The following SLC39A3 variants were observed in gnomAD, a reference collection of about 807,000 sequenced individuals.
SLC39A3 encodes zinc transporter ZIP3.
In SLC39A3, 3 loss-of-function variants were observed where a neutral mutation model predicts 5.1. The observed-to-expected ratio is 0.59, with a 90% CI of 0.27 to 1.54. The LOEUF (loss-of-function observed/expected upper bound fraction) is 1.54. Ranked by LOEUF, SLC39A3 falls within the 40% of genes most tolerant of loss-of-function variation. The pLI is 0.12. For synonymous variants in SLC39A3, 250 were observed against 218.8 expected, an observed-to-expected ratio of 1.14 and a Z score of -1.26; for missense variants, 412 against 436.4, an observed-to-expected ratio of 0.94 and a Z score of 0.50.
chr19:2,739,729 C>G (rs116078545), intron 1 of SLC39A3, among the ~76,000 whole-genome samples: 1 of 152,192 alleles, frequency 6.6e-6, no homozygotes, highest in African/African-American at 2.4e-5. Context: ...GTGAGGGTGG[C>G]CTGCACGCTC....
At position 2,732,693 on chromosome 19, in the gene SLC39A3, CTG is replaced by C; in HGVS notation, c.*56_*57del. On this transcript the variant is annotated 3_prime_UTR_variant, in exon 3 of 3. Coordinates refer to ENST00000269740, the MANE Select transcript of SLC39A3 (RefSeq NM_144564.5). ...GGGACGCGCGGCCGGGGGACGCGGC[CTG>C]TGTCCGGCCCGGGGCTCCCGGCGGG... 2 of 1,485,164 alleles carry C rather than the reference CTG, an allele frequency of 1.3e-6. No individual in the cohort carries two copies. The highest frequency in any genetic ancestry group is 1.4e-5 in the African/African-American group (1 of 70,374). 92.0% of individuals were successfully genotyped at this position (1,485,164 alleles called of 1,614,324 possible).
Position 2,735,188 on chromosome 19 carries a change from T to C in SLC39A3, c.211-1703A>G, listed in dbSNP as rs1030909215. The C allele has an allele frequency of 6.1e-6, 6 of 985,386 alleles. No individual in the cohort carries two copies. The South Asian group carries it at 1.9e-4, about 31-fold the overall frequency. 61.0% of individuals were successfully genotyped at this position (985,386 alleles called of 1,614,324 possible). On this transcript the variant is annotated intron_variant, in intron 2 of 2. Transcript: ENST00000269740. The surrounding 1 kb of genome is among the most constrained non-coding windows in gnomAD (Gnocchi z 5.7). ...GGGGGGCTGGCAGTGGCCTCTGCGA[T>C]GCAGGAGATGTCAGAGATGACCAAG...
At position 2,733,414 on chromosome 19, in the gene SLC39A3, G is replaced by A; in HGVS notation, c.282C>T (p.Gly94=). The A allele has an allele frequency of 6.2e-7, 1 of 1,613,062 alleles. No homozygotes were observed. Among genetic ancestry groups the A allele is most frequent in the Non-Finnish European group, 8.5e-7 (1 of 1,180,006 alleles). The stretch of plus-strand genomic sequence containing the variant: ...GCTCCAGGAAGACGGTCATGAAGAA[G>A]CCCAGCAGGAGGATGGTTTCGGCCA... ...YPLAETILLL[G]FFMTVFLEQL... is the part of the protein sequence containing the mutation. Residue 94 remains glycine, a synonymous_variant, in exon 3 of 3, where the codon GGC becomes GGT. Coordinates refer to ENST00000269740, the MANE Select transcript of SLC39A3 (RefSeq NM_144564.5). This position sits in a 1 kb window ranked among gnomAD's most constrained non-coding sequence, Gnocchi z 6.1.
intron 1 of SLC39A3, among the ~76,000 whole-genome samples, chr19:2,738,734 C>G (rs1227809875): frequency 6.6e-6 from 1 of 152,038 alleles, no homozygotes; most frequent in South Asian, 2.1e-4. Flanking sequence ...GTCGAGAGTT[C>G]AAGACCAGCC....
chr19:2,736,427 C>T (rs967382502), intron 2 of SLC39A3: 19 of 185,748 alleles, frequency 1.0e-4, no homozygotes, highest in East Asian at 1.7e-4. Flanking sequence ...GGGAGGTCCA[C>T]GTGGCCAGGC....
Position 2,733,014 on chromosome 19 carries a change from C to A in SLC39A3, c.682G>T (p.Asp228Tyr), listed in dbSNP as rs1914244241. ...ACGGTGACCGCCAGCTTGGCCGCGT[C>A]CCGCAGGGGCATGGCACTCCGGGCC... ...SMARSAMPLR[D>Y]AAKLAVTVSA... is the part of the protein sequence containing the mutation. Residue 228 changes from aspartate (D) to tyrosine (Y), a missense_variant, in exon 3 of 3, where the codon GAC (aspartate) becomes TAC (tyrosine). Asp to Tyr is a radical substitution (Grantham distance 160, BLOSUM62 -3). Coordinates refer to ENST00000269740, the MANE Select transcript of SLC39A3 (RefSeq NM_144564.5). This position sits in a 1 kb window ranked among gnomAD's most constrained non-coding sequence, Gnocchi z 6.1. 8.7e-6 allele frequency: 14 copies of A among 1,600,584 alleles called. 2 individuals carry two copies. In the South Asian group the frequency reaches 1.2e-4, roughly 14 times the overall value.
chr19:2,737,573 T>TA (rs1443699909), intron 1 of SLC39A3, 194 bp from the exon 2 acceptor site: 19 of 312,100 alleles, frequency 6.1e-5, no homozygotes, highest in Non-Finnish European at 1.1e-4. Flanking sequence ...TCCCAGCTAA[T>TA]TTTTTTTGTA....
Position 2,733,162 on chromosome 19 carries a change from C to G in SLC39A3, c.534G>C (p.Ser178=). The G allele has an allele frequency of 6.2e-7, 1 of 1,610,482 alleles. No individual in the cohort carries two copies. The highest frequency in any genetic ancestry group is 2.2e-5 in the East Asian group (1 of 44,810). Residue 178 remains serine, a synonymous_variant, in exon 3 of 3, where the codon TCG becomes TCC. Coordinates refer to ENST00000269740, the MANE Select transcript of SLC39A3 (RefSeq NM_144564.5). The surrounding 1 kb of genome is among the most constrained non-coding windows in gnomAD (Gnocchi z 6.1). The part of the protein sequence containing the change: ...VRLLSLAFAL[S]AHSVFEGLAL... Reference sequence around the variant, plus strand: ...CCAGGCCCTCAAAGACCGAGTGGGCCGACAGCGCGAAGGCCAGGCTGAGCA... The same window carrying G: ...CCAGGCCCTCAAAGACCGAGTGGGCGGACAGCGCGAAGGCCAGGCTGAGCA...
rs907065861 is a variant in SLC39A3, at chr19:2,733,836, G to A, written c.211-351C>T. Among the ~76,000 whole-genome samples the A allele has an allele frequency of 6.6e-6, 1 of 152,196 alleles. No homozygotes were observed. The highest frequency in any genetic ancestry group is 1.5e-5 in the Non-Finnish European group (1 of 68,042). ...AGCACCTGTAATCCCAGCTACTCAGGAGGCTGAGGCAGGAGAATGGCTTGA... is the reference window on the plus strand; with the variant it reads ...AGCACCTGTAATCCCAGCTACTCAGAAGGCTGAGGCAGGAGAATGGCTTGA... On this transcript the variant is annotated intron_variant, in intron 2 of 2. Coordinates refer to ENST00000269740, the MANE Select transcript of SLC39A3 (RefSeq NM_144564.5). The surrounding 1 kb of genome is among the most constrained non-coding windows in gnomAD (Gnocchi z 6.1).
chr19:2,734,393 T>TAC lies in SLC39A3; in HGVS notation c.211-909_211-908insGT. 6.7e-6 allele frequency: 1 copy of TAC among 149,032 alleles called. No individual in the cohort carries two copies. Among genetic ancestry groups the TAC allele is most frequent in the Non-Finnish European group, 1.5e-5 (1 of 67,378 alleles). The allele number at this position is 149,032 out of a possible 1,614,324, so 9.2% of individuals were successfully genotyped here. A position where few individuals can be genotyped will look rare whatever the true frequency, so the allele number is the denominator to read the frequency against. On this transcript the variant is annotated intron_variant, in intron 2 of 2. Coordinates refer to ENST00000269740, the MANE Select transcript of SLC39A3 (RefSeq NM_144564.5). The surrounding 1 kb of genome is among the most constrained non-coding windows in gnomAD (Gnocchi z 4.6). ...GAGACTTCATTACAACCTGCGCACG[T>TAC]GCACACACACACACACACACGCATA...
Position 2,735,337 on chromosome 19 carries a change from G to A in SLC39A3, c.210+1711C>T. 2.4e-6 allele frequency: 1 copy of A among 420,632 alleles called. No homozygotes were observed. Among genetic ancestry groups the A allele is most frequent in the Non-Finnish European group, 3.2e-6 (1 of 313,672 alleles). The allele number at this position is 420,632 out of a possible 1,614,324, so 26.1% of individuals were successfully genotyped here. A position where few individuals can be genotyped will look rare whatever the true frequency, so the allele number is the denominator to read the frequency against. ...TCTGAACGGTGGAAATCCAGGTGCG[G>A]GCTAGCTGGGCCCTACGCTCCAGGT... On this transcript the variant is annotated intron_variant, in intron 2 of 2. Transcript: ENST00000269740. The surrounding 1 kb of genome is among the most constrained non-coding windows in gnomAD (Gnocchi z 5.7).
chr19:2,735,708 A>G lies in SLC39A3; in HGVS notation c.210+1340T>C, dbSNP rs1445935370. The G allele has an allele frequency of 2.5e-6, 1 of 392,338 alleles. No individual in the cohort carries two copies. Among genetic ancestry groups the G allele is most frequent in the Non-Finnish European group, 3.5e-6 (1 of 288,440 alleles). 24.3% of individuals were successfully genotyped at this position (392,338 alleles called of 1,614,324 possible). A position where few individuals can be genotyped will look rare whatever the true frequency, so the allele number is the denominator to read the frequency against. ...ATCCCCTCTGCTGGGATTCTGACAT[A>G]ATGGCAGGAGTGACACGCACGGCAG... On this transcript the variant is annotated intron_variant, in intron 2 of 2. Coordinates refer to ENST00000269740, the MANE Select transcript of SLC39A3 (RefSeq NM_144564.5). This position sits in a 1 kb window ranked among gnomAD's most constrained non-coding sequence, Gnocchi z 5.7.
chr19:2,737,034 C>T lies in SLC39A3; in HGVS notation c.210+14G>A, dbSNP rs1203445554. On this transcript the variant is annotated intron_variant, in intron 2 of 2. Coordinates refer to ENST00000269740, the MANE Select transcript of SLC39A3 (RefSeq NM_144564.5). Reference sequence around the variant, plus strand: ...GGTGCCAAGGGCTGCTGCTAGTGCCCAGGGAGCCCTTACCTTTTCCCTCAC... The same window carrying T: ...GGTGCCAAGGGCTGCTGCTAGTGCCTAGGGAGCCCTTACCTTTTCCCTCAC... 1.2e-6 allele frequency: 2 copies of T among 1,613,964 alleles called. No individual in the cohort carries two copies. Among genetic ancestry groups the T allele is most frequent in the African/African-American group, 2.7e-5 (2 of 75,036 alleles).
intron 2 of SLC39A3, 45 bp downstream of exon 2, chr19:2,737,003 C>A: frequency 4.3e-6 from 7 of 1,611,370 alleles, no homozygotes; most frequent in Non-Finnish European, 5.9e-6. Flanking sequence ...AGTCCCTTGG[C>A]CATAAGGTGC....
In SLC39A3 at chr19:2,733,333, G is replaced by A. The variant is rs753648505; in HGVS notation, c.363C>T (p.Phe121=). 1.9e-6 allele frequency: 3 copies of A among 1,613,178 alleles called. No homozygotes were observed. The highest frequency in any genetic ancestry group is 2.5e-6 in the Non-Finnish European group (3 of 1,180,032). Residue 121 remains phenylalanine (F), a synonymous_variant, in exon 3 of 3, where the codon TTC becomes TTT. Transcript: ENST00000269740. The surrounding 1 kb of genome is among the most constrained non-coding windows in gnomAD (Gnocchi z 6.1). ...EKPSFIDLET[F]NAGSDVGSDS... is the part of the protein sequence containing the mutation. ...CGCTGCCCACGTCCGATCCGGCGTT[G>A]AAGGTCTCCAGGTCGATGAAGGACG...
intron 2 of SLC39A3, chr19:2,736,646 ACTGTGAGAT>A: frequency 9.5e-7 from 1 of 1,052,920 alleles, no homozygotes; most frequent in South Asian, 2.1e-5. Context: ...ACTCACAGAA[ACTGTGAGAT>A]GATAAACGTC....
Position 2,733,260 on chromosome 19 carries a change from G to A in SLC39A3, c.436C>T (p.Leu146=), listed in dbSNP as rs1914253218. Residue 146 remains leucine (L), a synonymous_variant, in exon 3 of 3, where the codon CTG becomes TTG. Coordinates refer to ENST00000269740, the MANE Select transcript of SLC39A3 (RefSeq NM_144564.5). This position sits in a 1 kb window ranked among gnomAD's most constrained non-coding sequence, Gnocchi z 6.1. ...PFMGGARGHA[L]YVEPHGHGPS... is the part of the protein sequence containing the mutation. The stretch of plus-strand genomic sequence containing the variant: ...CCGTGGCCGTGGGGCTCCACGTACA[G>A]CGCGTGGCCCCGCGCGCCCCCCATG... 1.2e-6 allele frequency: 2 copies of A among 1,611,964 alleles called. No individual in the cohort carries two copies. The highest frequency in any genetic ancestry group is 1.1e-5 in the South Asian group (1 of 91,056).
chr19:2,736,974 A>G, intron 2 of SLC39A3, 74 bp downstream of exon 2: 1 of 1,597,314 alleles, frequency 6.3e-7, no homozygotes, highest in Non-Finnish European at 8.5e-7. Context: ...ACTTGGCATC[A>G]GTGTTGAAAA....
At chr19:2,737,432 T>G in intron 1 of SLC39A3, 53 bp from the exon 2 acceptor site, 2 of 1,273,202 alleles carry the variant, frequency 1.6e-6, no homozygotes, top group Non-Finnish European at 2.1e-6. Context: ...CTTTTTTTTT[T>G]TTTAGACAGA....
Sources: allele counts gnomAD v4.1 joint callset (sites outside exome capture counted in the v4.1 genomes callset), GRCh38; gene constraint gnomAD v4.1.1; non-coding constraint Gnocchi (gnomAD v3.1); transcripts MANE v1.5; gene names NCBI Gene and HGNC (gene_info 2026-07-23, HGNC 2026-07-21).